Variants in URI1 observed in about 807,000 individuals in gnomAD.
URI1 encodes unconventional prefoldin RPB5 interactor 1.
URI1 carries 39 observed loss-of-function variants against 60.2 expected under a neutral mutation model. The observed-to-expected ratio is 0.65, with a 90% confidence interval of 0.50 to 0.85. The LOEUF is 0.85. Among genes scored for constraint, URI1 ranks in the 40% least tolerant of loss-of-function variants. The probability of loss-of-function intolerance (pLI) is 0.00; values close to 1 mark genes in which losing one functional copy is unlikely to be tolerated. For missense variants in URI1, 691 were observed against 665.9 expected, an observed-to-expected ratio of 1.04 and a Z score of -0.42; for synonymous variants, 251 against 236.8, an observed-to-expected ratio of 1.06 and a Z score of -0.55.
chr19:29,987,358 T>G (rs1367141343), intron 4 of URI1, among the ~76,000 whole-genome samples: 1 of 152,224 alleles, frequency 6.6e-6, no homozygotes, highest in Non-Finnish European at 1.5e-5. Flanking sequence ...AGTGAAATTC[T>G]GGGAACTATA....
intron 1 of URI1, among the ~76,000 whole-genome samples, chr19:29,947,534 A>C (rs2055117741): frequency 6.6e-6 from 1 of 152,104 alleles, no homozygotes; most frequent in African/African-American, 2.4e-5. Context: ...GTGTCTTTTC[A>C]TATTTGCTAG....
intron 1 of URI1, among the ~76,000 whole-genome samples, chr19:29,933,422 A>T (rs2054939714): frequency 6.6e-6 from 1 of 152,172 alleles, no homozygotes; most frequent in Non-Finnish European, 1.5e-5. Flanking sequence ...TTATAGTATT[A>T]TCCAATTTAT....
chr19:29,975,134 T>C (rs2055504585), intron 2 of URI1, among the ~76,000 whole-genome samples: 1 of 152,136 alleles, frequency 6.6e-6, no homozygotes, highest in African/African-American at 2.4e-5. Flanking sequence ...TTGTTCAGTT[T>C]AGTTCTTTCA....
chr19:30,014,616 A>G (rs1417884509), intron 10 of URI1, among the ~76,000 whole-genome samples: 2 of 152,106 alleles, frequency 1.3e-5, no homozygotes, highest in African/African-American at 4.8e-5. Context: ...CCTTTTATTT[A>G]TCCATTTCTT....
chr19:29,994,013 CT>C (rs1046166527), intron 4 of URI1, among the ~76,000 whole-genome samples: 1 of 150,150 alleles, frequency 6.7e-6, no homozygotes. Flanking sequence ...GATCGTCTTC[CT>C]TTTTTTTTGC....
intron 1 of URI1, among the ~76,000 whole-genome samples, chr19:29,953,155 C>T (rs913371126): frequency 2.6e-5 from 4 of 152,178 alleles, no homozygotes; most frequent in East Asian, 1.9e-4. Context: ...TTCACCATCA[C>T]GAGTGTCTTT....
intron 8 of URI1, 23 bp downstream of exon 8, chr19:30,009,376 T>C: frequency 6.4e-7 from 1 of 1,565,330 alleles, no homozygotes; most frequent in Non-Finnish European, 8.7e-7. Context: ...TTAACTTTAC[T>C]AATTTTGCAT....
chr19:29,986,963 C>A (rs13345959), intron 4 of URI1, among the ~76,000 whole-genome samples: 2,456 of 152,264 alleles, frequency 0.016, 69 homozygotes, highest in African/African-American at 0.056. Context: ...TGTTTGAGTT[C>A]TCTGCATCCC....
intron 1 of URI1, among the ~76,000 whole-genome samples, chr19:29,954,009 A>G (rs184043922): frequency 1.4e-3 from 214 of 152,318 alleles, no homozygotes; most frequent in Middle Eastern, 3.4e-3. Flanking sequence ...CCCTGACTGT[A>G]TACCCTGATA....
At position 29,942,568 on chromosome 19, in the gene URI1, G is replaced by T; in HGVS notation, c.21G>T (p.Glu7Asp). The T allele has an allele frequency of 7.0e-7, 1 of 1,423,364 alleles. No individual in the cohort carries two copies. The highest frequency in any genetic ancestry group is 1.4e-5 in the South Asian group (1 of 70,738). 88.2% of individuals were successfully genotyped at this position (1,423,364 alleles called of 1,614,324 possible). The change falls in exon 1 of 11, where the codon GAG becomes GAT. Residue 7 changes from glutamate to aspartate, a missense_variant. Physicochemically the swap from Glu to Asp is conservative, Grantham distance 45. Transcript: ENST00000392271. ...CCGTCATGGAGGCGCCCACCGTGGAGACGCCCCCCGACCCCTCGCCCCCTT... is the reference window on the plus strand; with the variant it reads ...CCGTCATGGAGGCGCCCACCGTGGATACGCCCCCCGACCCCTCGCCCCCTT... MEAPTV[E>D]TPPDPSPPSA...
chr19:29,942,690 C>A, intron 1 of URI1, 26 bp downstream of exon 1: 3 of 1,362,370 alleles, frequency 2.2e-6, no homozygotes, highest in Non-Finnish European at 2.8e-6. Flanking sequence ...GCGCCGCTTC[C>A]GCCTCCGCCC....
intron 6 of URI1, 26 bp downstream of exon 6, chr19:30,005,734 T>C (rs2055934389): frequency 1.9e-6 from 3 of 1,593,212 alleles, no homozygotes; most frequent in South Asian, 1.1e-5. Flanking sequence ...GTTTTATGTG[T>C]AGCTGTTTAG....
intron 4 of URI1, among the ~76,000 whole-genome samples, chr19:29,993,804 T>A (rs1339154252): frequency 6.6e-6 from 1 of 152,212 alleles, no homozygotes; most frequent in African/African-American, 2.4e-5. Context: ...GTTATCAGTA[T>A]CTTACTCATT....
Position 29,971,321 on chromosome 19 carries a change from A to T in URI1, c.152+94A>T, listed in dbSNP as rs1398871067. 8.2e-6 allele frequency: 10 copies of T among 1,216,674 alleles called. No homozygotes were observed. In the South Asian group the frequency reaches 1.3e-4, roughly 15 times the overall value. 75.4% of individuals were successfully genotyped at this position (1,216,674 alleles called of 1,614,324 possible). A position where few individuals can be genotyped will look rare whatever the true frequency, so the allele number is the denominator to read the frequency against. On this transcript the variant is annotated intron_variant, in intron 2 of 10. Coordinates refer to ENST00000392271, the MANE Select transcript of URI1 (RefSeq NM_003796.3). Reference sequence around the variant, plus strand: ...GTGTTTACTGTTTGCGTGTGTGTGTATGTATGACTAGTAATTGAATTCTTC... The same window carrying T: ...GTGTTTACTGTTTGCGTGTGTGTGTTTGTATGACTAGTAATTGAATTCTTC...
intron 2 of URI1, among the ~76,000 whole-genome samples, chr19:29,978,664 C>T (rs1343525202): frequency 8.5e-5 from 13 of 152,108 alleles, no homozygotes; most frequent in Non-Finnish European, 4.4e-5. Flanking sequence ...GTCCAGATTC[C>T]ACTATACCAA....
In URI1 at chr19:30,015,687, T is replaced by G; in HGVS notation, c.*618T>G. ...AAAACTTTTTTTTCCAAGTAAAAAC[T>G]TTATGAAACTTGGTCTCAAAAATGT... is the stretch of plus-strand genomic sequence containing the variant. On this transcript the variant is annotated 3_prime_UTR_variant, in exon 11 of 11. Coordinates refer to ENST00000392271, the MANE Select transcript of URI1 (RefSeq NM_003796.3). 2.2e-5 allele frequency: 25 copies of G among 1,118,872 alleles called. No homozygotes were observed. Among genetic ancestry groups the G allele is most frequent in the Non-Finnish European group, 3.0e-5 (24 of 796,548 alleles). The allele number at this position is 1,118,872 out of a possible 1,614,324, so 69.3% of individuals were successfully genotyped here. A position where few individuals can be genotyped will look rare whatever the true frequency, so the allele number is the denominator to read the frequency against.
intron 2 of URI1, among the ~76,000 whole-genome samples, chr19:29,972,219 C>G (rs1406802516): frequency 6.6e-6 from 1 of 150,786 alleles, no homozygotes; most frequent in East Asian, 1.9e-4. Flanking sequence ...AGAAAATAAT[C>G]TAAAACTAAT....
intron 2 of URI1, among the ~76,000 whole-genome samples, chr19:29,977,911 T>C (rs1292198497): frequency 6.6e-6 from 1 of 152,198 alleles, no homozygotes; most frequent in Non-Finnish European, 1.5e-5. Context: ...CATGCTTAGT[T>C]ATGGAAAAGT....
rs1450997889 is a variant in URI1, at chr19:30,007,581, T to C, written c.629T>C (p.Leu210Pro). The C allele has an allele frequency of 6.2e-7, 1 of 1,613,150 alleles. No homozygotes were observed. The highest frequency in any genetic ancestry group is 1.7e-5 in the Admixed American group (1 of 59,924). Residue 210 changes from leucine (L) to proline (P), a missense_variant, in exon 7 of 11, where the codon CTG (leucine) becomes CCG (proline). Physicochemically the swap from Leu to Pro is moderately conservative, Grantham distance 98 (BLOSUM62 -3). Transcript: ENST00000392271. ...KSKDLLADKELWARLEELERQ... is the reference protein window; with the variant it reads ...KSKDLLADKEPWARLEELERQ... Reference sequence around the variant, plus strand: ...AAGGATTTGCTAGCTGATAAAGAACTGTGGGCTCGACTTGAAGAACTAGAG... The same window carrying C: ...AAGGATTTGCTAGCTGATAAAGAACCGTGGGCTCGACTTGAAGAACTAGAG...
Sources: allele counts gnomAD v4.1 joint callset (sites outside exome capture counted in the v4.1 genomes callset), GRCh38; gene constraint gnomAD v4.1.1; transcripts MANE v1.5; gene names NCBI Gene and HGNC (gene_info 2026-07-23, HGNC 2026-07-21).